LAMP3: variants seen among roughly 807,000 people sequenced by gnomAD.
LAMP3 encodes lysosome associated membrane protein 3.
Under a neutral mutation model 34.8 loss-of-function variants are expected in LAMP3, and 26 were observed. That is an observed-to-expected ratio of 0.75 (90% confidence interval 0.55 to 1.04). LAMP3 has a LOEUF of 1.04. LAMP3 is among the 50% of genes least tolerant of loss of function. The probability of loss-of-function intolerance (pLI) is 0.00; values close to 1 mark genes in which losing one functional copy is unlikely to be tolerated. For synonymous variants in LAMP3, 180 were observed against 201.9 expected (o/e 0.89, Z 0.92); for missense variants, 495 against 524.0 (o/e 0.94, Z 0.54).
intron 1 of LAMP3, among the ~76,000 whole-genome samples, chr3:183,155,395 T>C (rs1560316147): frequency 6.6e-6 from 1 of 152,254 alleles, no homozygotes. Flanking sequence ...TACTTAACTT[T>C]TGGAGTGGCC....
intron 5 of LAMP3, among the ~76,000 whole-genome samples, chr3:183,128,695 C>T (rs183935257): frequency 7.2e-4 from 109 of 152,266 alleles, no homozygotes; most frequent in South Asian, 3.1e-3. Context: ...TCATGTGCCA[C>T]CACACCCAGC....
At chr3:183,138,945 TA>T (rs1222850257) in intron 4 of LAMP3, among the ~76,000 whole-genome samples, 1 of 152,184 alleles carries the variant, frequency 6.6e-6, no homozygotes, top group African/African-American at 2.4e-5. Context: ...AGGGCTTCCC[TA>T]GGCCCAGATA....
Position 183,149,574 on chromosome 3 carries a change from AATATATATATATATATATAT to A in LAMP3, c.888+2781_888+2800del, listed in dbSNP as rs765127504. Among the ~76,000 whole-genome samples the A allele has an allele frequency of 2.5e-4, 8 of 32,632 alleles. No individual in the cohort carries two copies. In the South Asian group the frequency reaches 8.5e-3, roughly 35 times the overall value. 21.4% of individuals were successfully genotyped at this position (32,632 alleles called of 152,430 possible). A position where few individuals can be genotyped will look rare whatever the true frequency, so the allele number is the denominator to read the frequency against. ...AAAAAAAAAAAAAAAAAAAAAAAAAAATATATATATATATATATATATATATATATATGTATACACACACA... is the reference window on the plus strand; with the variant it reads ...AAAAAAAAAAAAAAAAAAAAAAAAAAATATATATATATGTATACACACACA... On this transcript the variant is annotated intron_variant, in intron 3 of 5. Coordinates refer to ENST00000265598, the MANE Select transcript of LAMP3 (RefSeq NM_014398.4).
Position 183,153,871 on chromosome 3 carries a change from A to C in LAMP3, c.570T>G (p.His190Gln), listed in dbSNP as rs780199829. The change falls in exon 2 of 6, where the codon CAT (histidine) becomes CAG (glutamine). Residue 190 changes from histidine to glutamine, a missense_variant. Physicochemically the swap from His to Gln is conservative, Grantham distance 24. Coordinates refer to ENST00000265598, the MANE Select transcript of LAMP3 (RefSeq NM_014398.4). ...TTGQKPVQPT[H>Q]APGTTAAAHN... ...GGGCAGCTGCCGTTGTTCCTGGGGC[A>C]TGGGTGGGTTGAACAGGCTTCTGAC... The C allele has an allele frequency of 5.0e-6, 8 of 1,612,678 alleles. No individual in the cohort carries two copies. The South Asian group carries it at 8.8e-5, about 18-fold the overall frequency.
At chr3:183,155,070 A>G (rs1284825192) in intron 1 of LAMP3, among the ~76,000 whole-genome samples, 1 of 151,900 alleles carries the variant, frequency 6.6e-6, no homozygotes, top group African/African-American at 2.4e-5. Context: ...ACCTGCCACC[A>G]CGCCCGGCTA....
rs58229572 is a variant in LAMP3, at chr3:183,140,410, CAAAAAAAAAAAAAAA to C, written c.946+113_946+127del. On this transcript the variant is annotated intron_variant, in intron 4 of 5. Transcript: ENST00000265598. The stretch of plus-strand genomic sequence containing the variant: ...TGGGAAACAGAGCAAGACTCCATCT[CAAAAAAAAAAAAAAA>C]AAAAAAAAAAAAAAGCAGCATCAAA... The C allele has an allele frequency of 5.3e-3, 1,027 of 194,050 alleles. 1 individual carries two copies. Among genetic ancestry groups the C allele is most frequent in the East Asian group, 0.013 (120 of 9,012 alleles). 12.0% of individuals were successfully genotyped at this position (194,050 alleles called of 1,614,324 possible). A position where few individuals can be genotyped will look rare whatever the true frequency, so the allele number is the denominator to read the frequency against.
In LAMP3 at chr3:183,154,170, T is replaced by C. The variant is rs138719911; in HGVS notation, c.271A>G (p.Thr91Ala). The change falls in exon 2 of 6, where the codon ACA (threonine) becomes GCA (alanine). Residue 91 changes from threonine (T) to alanine (A), a missense_variant. By Grantham distance (58) the Thr-to-Ala change is moderately conservative. Coordinates refer to ENST00000265598, the MANE Select transcript of LAMP3 (RefSeq NM_014398.4). ...GGGCTGGTGGTTGCAGTGTTTTTTG[T>C]AGTCGCTGGGGTAGTTGTTGGAATT... Reference protein sequence around the residue: ...VKIPTTTPATTKNTATTSPIT... With the variant: ...VKIPTTTPATAKNTATTSPIT... 36 of 1,613,736 alleles carry C rather than the reference T, an allele frequency of 2.2e-5. No homozygotes were observed. In the African/African-American group the frequency reaches 2.7e-4, roughly 12 times the overall value.
At chr3:183,161,995 G>C (rs952586626) in intron 1 of LAMP3, 1 of 985,076 alleles carries the variant, frequency 1.0e-6, no homozygotes, top group African/African-American at 1.7e-5. Flanking sequence ...TGTTAGCCGG[G>C]CGGTAGGGAC....
In LAMP3 at chr3:183,157,716, C is replaced by T. The variant is rs1244290973; in HGVS notation, c.50-3325G>A. 1.3e-5 allele frequency among the ~76,000 whole-genome samples: 2 copies of T among 151,606 alleles called. 1 individual carries two copies. Among genetic ancestry groups the T allele is most frequent in the Non-Finnish European group, 2.9e-5 (2 of 67,994 alleles). ...TAAAGAGAATCTTCTCAACTGAGTT[C>T]AGTTTCCTAAACTCAGTAGTGCACC... On this transcript the variant is annotated intron_variant, in intron 1 of 5. Coordinates refer to ENST00000265598, the MANE Select transcript of LAMP3 (RefSeq NM_014398.4).
intron 1 of LAMP3, among the ~76,000 whole-genome samples, chr3:183,161,699 A>G (rs781778001): frequency 9.9e-5 from 15 of 152,134 alleles, no homozygotes; most frequent in Admixed American, 2.0e-4. Context: ...TGTCAATACC[A>G]TTGTGTTTCT....
At chr3:183,142,590 T>A (rs995423470) in intron 3 of LAMP3, among the ~76,000 whole-genome samples, 1 of 151,888 alleles carries the variant, frequency 6.6e-6, no homozygotes, top group Non-Finnish European at 1.5e-5. Context: ...GAGTTAAGCA[T>A]CTACCGCAGA....
chr3:183,147,767 T>C (rs1456751923), intron 3 of LAMP3, among the ~76,000 whole-genome samples: 1 of 152,110 alleles, frequency 6.6e-6, no homozygotes, highest in Non-Finnish European at 1.5e-5. Flanking sequence ...CAGGCTGGAG[T>C]GCAACGGCAC....
chr3:183,131,811 TC>T (rs2108596440), intron 5 of LAMP3: 1 of 586,546 alleles, frequency 1.7e-6, no homozygotes, highest in Admixed American at 6.3e-5. Flanking sequence ...AACATACCTC[TC>T]CTTTTTCTCT....
At chr3:183,132,216 A>G in intron 5 of LAMP3, 1 of 984,726 alleles carries the variant, frequency 1.0e-6, no homozygotes, top group South Asian at 4.7e-5. Context: ...GCTTTAAATT[A>G]AAAAAGTGAA....
intron 3 of LAMP3, among the ~76,000 whole-genome samples, chr3:183,148,495 T>C (rs1349584201): frequency 6.6e-6 from 1 of 152,158 alleles, no homozygotes; most frequent in Non-Finnish European, 1.5e-5. Context: ...AATTTGATTT[T>C]AAAAATCTAA....
intron 4 of LAMP3, among the ~76,000 whole-genome samples, chr3:183,139,747 G>A (rs1330310447): frequency 2.0e-5 from 3 of 152,148 alleles, no homozygotes; most frequent in Non-Finnish European, 4.4e-5. Context: ...AGGTCGGGGG[G>A]CAGTACTGTA....
intron 5 of LAMP3, among the ~76,000 whole-genome samples, chr3:183,130,634 C>A (rs2108595861): frequency 6.6e-6 from 1 of 152,218 alleles, no homozygotes; most frequent in Non-Finnish European, 1.5e-5. Context: ...CATCTGAGAT[C>A]AGTTAATGTT....
At chr3:183,133,495 C>T (rs999189180) in intron 5 of LAMP3, among the ~76,000 whole-genome samples, 3 of 152,196 alleles carry the variant, frequency 2.0e-5, no homozygotes, top group African/African-American at 4.8e-5. Context: ...GCTGGGATTA[C>T]AGGCATGTAC....
At chr3:183,157,070 G>A (rs1720843190) in intron 1 of LAMP3, among the ~76,000 whole-genome samples, 1 of 152,166 alleles carries the variant, frequency 6.6e-6, no homozygotes, top group Non-Finnish European at 1.5e-5. Flanking sequence ...CAGAAGAAAA[G>A]TTCTAACTTT....
Sources: allele counts gnomAD v4.1 joint callset (sites outside exome capture counted in the v4.1 genomes callset), GRCh38; gene constraint gnomAD v4.1.1; transcripts MANE v1.5; gene names NCBI Gene and HGNC (gene_info 2026-07-23, HGNC 2026-07-21).